Variants in ZBTB43 observed in about 807,000 individuals in gnomAD.
ZBTB43 encodes zinc finger and BTB domain-containing protein 43.
A neutral mutation model predicts 31.1 loss-of-function variants in ZBTB43; 6 were observed. The observed-to-expected ratio is 0.19, with a 90% CI of 0.11 to 0.38. The LOEUF is 0.38. ZBTB43 is among the 10% of genes least tolerant of loss of function. The pLI, the probability that ZBTB43 is intolerant of heterozygous loss-of-function variation, is 1.00. For synonymous variants in ZBTB43, 212 were observed against 221.7 expected, an observed-to-expected ratio of 0.96 and a Z score of 0.39; for missense variants, 379 against 602.1, an observed-to-expected ratio of 0.63 and a Z score of 3.88.
intron 2 of ZBTB43, among the ~76,000 whole-genome samples, chr9:126,824,166 A>C (rs2032577276): frequency 6.6e-6 from 1 of 152,128 alleles, no homozygotes; most frequent in South Asian, 2.1e-4. Context: ...AACTGGGATT[A>C]CAGGTGCGCA....
intron 2 of ZBTB43, among the ~76,000 whole-genome samples, chr9:126,811,580 A>G (rs974659357): frequency 7.2e-5 from 11 of 152,214 alleles, no homozygotes; most frequent in Non-Finnish European, 1.3e-4. Context: ...ATGAAATTCA[A>G]AGTCGGCATT....
intron 1 of ZBTB43, among the ~76,000 whole-genome samples, chr9:126,806,925 A>C (rs1036618893): frequency 5.3e-5 from 8 of 152,240 alleles, no homozygotes; most frequent in Non-Finnish European, 1.0e-4. Context: ...GAATGTGCTC[A>C]TAAGTAGGAT....
chr9:126,837,838 C>CT lies in ZBTB43; in HGVS notation c.*3941dup, dbSNP rs5900725. 2,629 of 146,114 alleles carry CT rather than the reference C, an allele frequency of 0.018. 26 individuals are homozygous for CT. The highest frequency in any genetic ancestry group is 0.041 in the African/African-American group (1,542 of 37,540). 9.1% of individuals were successfully genotyped at this position (146,114 alleles called of 1,614,324 possible). A position where few individuals can be genotyped will look rare whatever the true frequency, so the allele number is the denominator to read the frequency against. On this transcript the variant is annotated 3_prime_UTR_variant, in exon 3 of 3. Coordinates refer to ENST00000373464, the MANE Select transcript of ZBTB43 (RefSeq NM_014007.4). ...GCTGGAACACATTTTGCAAATGTGACTTTTTTTTTTTTTTTTAATTTTTGC... is the reference window on the plus strand; with the variant it reads ...GCTGGAACACATTTTGCAAATGTGACTTTTTTTTTTTTTTTTTAATTTTTGC...
Position 126,832,618 on chromosome 9 carries a change from A to T in ZBTB43, c.109A>T (p.Ile37Phe). 1 of 1,614,126 alleles carries T rather than the reference A, an allele frequency of 6.2e-7. No homozygotes were observed. The highest frequency in any genetic ancestry group is 8.5e-7 in the Non-Finnish European group (1 of 1,180,032). Residue 37 changes from isoleucine (I) to phenylalanine (F), a missense_variant, in exon 3 of 3, where the codon ATT becomes TTT. By Grantham distance (21) the Ile-to-Phe change is conservative. Around this residue, in one of 5 missense-constraint regions of ZBTB43, gnomAD observed 79 missense variants for 134.4 expected, o/e 0.59. Coordinates refer to ENST00000373464, the MANE Select transcript of ZBTB43 (RefSeq NM_014007.4). ...RQQGQLCDVS[I>F]VVQGHIFRAH... ...GCAAGGACAATTATGTGACGTCTCC[A>T]TTGTTGTCCAAGGCCACATTTTCCG...
Position 126,815,328 on chromosome 9 carries a change from AAC to A in ZBTB43, c.-24+6414_-24+6415del, listed in dbSNP as rs1489793328. Among the ~76,000 whole-genome samples the A allele has an allele frequency of 2.8e-5, 4 of 145,208 alleles. No individual in the cohort carries two copies. In the East Asian group the frequency reaches 6.1e-4, roughly 22 times the overall value. ...TATATATATAGTTTTCAATATATAAAACTATATATATAGTTTTCAATATATAA... is the reference window on the plus strand; with the variant it reads ...TATATATATAGTTTTCAATATATAAATATATATATAGTTTTCAATATATAA... On this transcript the variant is annotated intron_variant, in intron 2 of 2. Coordinates refer to ENST00000373464, the MANE Select transcript of ZBTB43 (RefSeq NM_014007.4).
chr9:126,805,925 C>T (rs1050179674), intron 1 of ZBTB43, among the ~76,000 whole-genome samples: 4 of 152,220 alleles, frequency 2.6e-5, no homozygotes, highest in Non-Finnish European at 4.4e-5. Flanking sequence ...CCGTGAAGTT[C>T]CCTGCACTGG....
In ZBTB43 at chr9:126,834,039, T is replaced by A; in HGVS notation, c.*126T>A. On this transcript the variant is annotated 3_prime_UTR_variant, in exon 3 of 3. Transcript: ENST00000373464. ...AGCTTAAAAAAAAAAAGGAAGATAT[T>A]TCTGAAAGACCAGCTCTAAGTAGGC... 9.0e-7 allele frequency: 1 copy of A among 1,109,516 alleles called. No homozygotes were observed. Among genetic ancestry groups the A allele is most frequent in the Non-Finnish European group, 1.2e-6 (1 of 803,290 alleles). 68.7% of individuals were successfully genotyped at this position (1,109,516 alleles called of 1,614,324 possible). A position where few individuals can be genotyped will look rare whatever the true frequency, so the allele number is the denominator to read the frequency against.
chr9:126,832,391 T>C, intron 2 of ZBTB43, 96 bp from the exon 3 acceptor site: 1 of 1,214,258 alleles, frequency 8.2e-7, no homozygotes, highest in Non-Finnish European at 1.1e-6. Flanking sequence ...CTAGAGGACT[T>C]TGTGGAACTT....
At chr9:126,817,698 G>A (rs2032419662) in intron 2 of ZBTB43, among the ~76,000 whole-genome samples, 4 of 151,380 alleles carry the variant, frequency 2.6e-5, no homozygotes, top group Admixed American at 6.6e-5. Flanking sequence ...GGATGGTCTC[G>A]ATCTCCTGAT....
rs1217953846 is a variant in ZBTB43, at chr9:126,833,019, A to G, written c.510A>G (p.Glu170=). 1 of 1,613,840 alleles carries G rather than the reference A, an allele frequency of 6.2e-7. No homozygotes were observed. The highest frequency in any genetic ancestry group is 8.5e-7 in the Non-Finnish European group (1 of 1,180,038). The stretch of plus-strand genomic sequence containing the variant: ...ATACTGATTTTCCCAAAGCCCAAGA[A>G]CTGAGAGATGGTGAAAATGAAGAGG... ...GGHTDFPKAQ[E]LRDGENEEES... Residue 170 remains glutamate, a synonymous_variant, in exon 3 of 3, where the codon GAA becomes GAG. Coordinates refer to ENST00000373464, the MANE Select transcript of ZBTB43 (RefSeq NM_014007.4). The surrounding 1 kb of genome is among the most constrained non-coding windows in gnomAD (Gnocchi z 7.9).
At chr9:126,826,454 CT>C (rs35094731) in intron 2 of ZBTB43, among the ~76,000 whole-genome samples, 196 of 53,572 alleles carry the variant, frequency 3.7e-3, no homozygotes, top group African/African-American at 8.4e-3. Context: ...GCCCCCCCGC[CT>C]TTTTTTTTTT....
chr9:126,824,299 A>G (rs1037121738), intron 2 of ZBTB43, among the ~76,000 whole-genome samples: 1 of 152,248 alleles, frequency 6.6e-6, no homozygotes, highest in African/African-American at 2.4e-5. Context: ...TGCTGGGATT[A>G]TAGGCATGAG....
intron 2 of ZBTB43, among the ~76,000 whole-genome samples, chr9:126,828,222 C>T (rs1225210146): frequency 1.3e-5 from 2 of 151,310 alleles, no homozygotes; most frequent in African/African-American, 2.4e-5. Context: ...CTTGCTCTGT[C>T]GCCCAGGCTG....
At chr9:126,828,640 A>G (rs943936859) in intron 2 of ZBTB43, among the ~76,000 whole-genome samples, 2 of 138,870 alleles carry the variant, frequency 1.4e-5, no homozygotes, top group African/African-American at 2.8e-5. Flanking sequence ...AATAATAATA[A>G]TAATAATAAT....
intron 2 of ZBTB43, among the ~76,000 whole-genome samples, chr9:126,820,887 G>A (rs1303077843): frequency 1.4e-5 from 2 of 147,230 alleles, no homozygotes; most frequent in African/African-American, 5.0e-5. Context: ...AGGATCACGT[G>A]AGCCAGAGAG....
intron 2 of ZBTB43, chr9:126,832,239 A>G (rs148959458): frequency 5.6e-4 from 251 of 448,266 alleles, no homozygotes; most frequent in Non-Finnish European, 8.6e-4. Flanking sequence ...TCTTGTCCCT[A>G]TGGATTCAGT....
chr9:126,812,484 C>T (rs1191999310), intron 2 of ZBTB43, among the ~76,000 whole-genome samples: 2 of 152,196 alleles, frequency 1.3e-5, no homozygotes, highest in African/African-American at 2.4e-5. Flanking sequence ...CCCTGAGGTG[C>T]TGTCACACTG....
At chr9:126,825,199 C>T (rs1395272775) in intron 2 of ZBTB43, among the ~76,000 whole-genome samples, 3 of 152,180 alleles carry the variant, frequency 2.0e-5, no homozygotes, top group Non-Finnish European at 4.4e-5. Context: ...CCTCAGCCTC[C>T]CAGAGTGCTG....
chr9:126,805,189 G>A (rs1324387141), intron 1 of ZBTB43, 57 bp downstream of exon 1: 1 of 152,830 alleles, frequency 6.5e-6, no homozygotes, highest in Non-Finnish European at 1.5e-5. Flanking sequence ...GTCGGTGGGG[G>A]AGTTAAGGGC....
Sources: allele counts gnomAD v4.1 joint callset (sites outside exome capture counted in the v4.1 genomes callset), GRCh38; gene constraint gnomAD v4.1.1; regional missense constraint gnomAD v4.1.1; non-coding constraint Gnocchi (gnomAD v3.1); transcripts MANE v1.5; gene names NCBI Gene and HGNC (gene_info 2026-07-23, HGNC 2026-07-21).